CRISPLD2: variants seen among roughly 807,000 people sequenced by gnomAD.
CRISPLD2 encodes cysteine rich secretory protein LCCL domain containing 2.
Under a neutral mutation model 71.1 loss-of-function variants are expected in CRISPLD2, and 47 were observed. That is an observed-to-expected ratio of 0.66 (90% CI 0.52 to 0.84). The LOEUF is 0.84. CRISPLD2 is among the 40% of genes least tolerant of loss of function. The pLI, the probability that CRISPLD2 is intolerant of heterozygous loss-of-function variation, is 0.00. For synonymous variants in CRISPLD2, 317 were observed against 250.1 expected (o/e 1.27, Z -2.52); for missense variants, 830 against 651.1 (o/e 1.27, Z -2.99).
intron 6 of CRISPLD2, among the ~76,000 whole-genome samples, chr16:84,859,467 G>C (rs1032153763): frequency 6.6e-6 from 1 of 152,228 alleles, no homozygotes; most frequent in South Asian, 2.1e-4. Flanking sequence ...CCCCGGGGAA[G>C]TATGGGAGAA....
rs750016537 is a variant in CRISPLD2, at chr16:84,850,599, G to T, written c.524G>T (p.Cys175Phe). ...IVWATTNKIG[C>F]AVNTCRKMTV... is the part of the protein sequence containing the mutation. ...TGGGCCACCACCAACAAGATCGGTTGTGCTGTGAACACCTGCCGGAAGATG... is the reference window on the plus strand; with the variant it reads ...TGGGCCACCACCAACAAGATCGGTTTTGCTGTGAACACCTGCCGGAAGATG... Residue 175 changes from cysteine (C) to phenylalanine (F), a missense_variant, in exon 5 of 15, where the codon TGT becomes TTT. Physicochemically the swap from Cys to Phe is radical, Grantham distance 205 (BLOSUM62 -2). Transcript: ENST00000262424. The T allele has an allele frequency of 6.2e-7, 1 of 1,614,210 alleles. No homozygotes were observed. The highest frequency in any genetic ancestry group is 1.1e-5 in the South Asian group (1 of 91,088).
intron 4 of CRISPLD2, 69 bp from the exon 5 acceptor site, chr16:84,850,499 C>A: frequency 1.5e-6 from 2 of 1,332,024 alleles, no homozygotes; most frequent in South Asian, 1.2e-5. Context: ...CTTATACATC[C>A]AGGCCAAATG....
At chr16:84,903,403 C>G (rs892909512) in intron 14 of CRISPLD2, among the ~76,000 whole-genome samples, 1 of 152,056 alleles carries the variant, frequency 6.6e-6, no homozygotes, top group African/African-American at 2.4e-5. Flanking sequence ...ACCAGCCTGG[C>G]CAATATGGTG....
In CRISPLD2 at chr16:84,849,472, G is replaced by C; in HGVS notation, c.447G>C (p.Trp149Cys). The C allele has an allele frequency of 6.2e-7, 1 of 1,614,126 alleles. No individual in the cohort carries two copies. The highest frequency in any genetic ancestry group is 8.5e-7 in the Non-Finnish European group (1 of 1,179,978). ...TYPYPSECNP[W>C]CPERCSGPMC... ...CCTACCCGAGCGAGTGCAACCCCTGGTGTCCAGAGAGGTGCTCGGGGCCCA... is the reference window on the plus strand; with the variant it reads ...CCTACCCGAGCGAGTGCAACCCCTGCTGTCCAGAGAGGTGCTCGGGGCCCA... The change falls in exon 4 of 15, where the codon TGG becomes TGC. Residue 149 changes from tryptophan (W) to cysteine (C), a missense_variant. Trp to Cys is a radical substitution (Grantham distance 215, BLOSUM62 -2). Coordinates refer to ENST00000262424, the MANE Select transcript of CRISPLD2 (RefSeq NM_031476.4).
chr16:84,907,793 C>T lies in CRISPLD2; in HGVS notation c.*1151C>T, dbSNP rs1256089083. 6.6e-6 allele frequency: 1 copy of T among 152,124 alleles called. No individual in the cohort carries two copies. The highest frequency in any genetic ancestry group is 2.4e-5 in the African/African-American group (1 of 41,424). The allele number at this position is 152,124 out of a possible 1,614,324, so 9.4% of individuals were successfully genotyped here. ...CATGACAGCGAGAGATGGGAATACA[C>T]TAGAAGGATCTCTTTTCCTGTTTTC... On this transcript the variant is annotated 3_prime_UTR_variant, in exon 15 of 15. Transcript: ENST00000262424.
At chr16:84,825,462 TAAAG>T (rs925437818) in intron 1 of CRISPLD2, among the ~76,000 whole-genome samples, 3 of 151,974 alleles carry the variant, frequency 2.0e-5, no homozygotes, top group African/African-American at 4.8e-5. Context: ...GTTTCTAAAA[TAAAG>T]GAAGAAAGGC....
At chr16:84,902,470 C>T (rs773697138) in intron 14 of CRISPLD2, among the ~76,000 whole-genome samples, 2 of 151,570 alleles carry the variant, frequency 1.3e-5, no homozygotes, top group Non-Finnish European at 2.9e-5. Context: ...ATTAGCCAGG[C>T]GTGGTGTTGG....
chr16:84,877,315 G>A (rs960804565), intron 11 of CRISPLD2, 123 bp from the exon 12 acceptor site: 2 of 806,288 alleles, frequency 2.5e-6, no homozygotes, highest in Non-Finnish European at 4.0e-6. Context: ...CGTAGTCCCA[G>A]CTCTATTCAA....
intron 2 of CRISPLD2, among the ~76,000 whole-genome samples, chr16:84,842,995 G>A (rs1916816783): frequency 6.6e-6 from 1 of 152,174 alleles, no homozygotes; most frequent in Non-Finnish European, 1.5e-5. Flanking sequence ...TGGTCCTCCC[G>A]GTTTCATGCA....
At chr16:84,864,283 C>T (rs547244200) in intron 6 of CRISPLD2, among the ~76,000 whole-genome samples, 11 of 152,200 alleles carry the variant, frequency 7.2e-5, no homozygotes, top group Non-Finnish European at 1.6e-4. Context: ...GTAAAGCCTT[C>T]TACTTTTCAT....
intron 13 of CRISPLD2, among the ~76,000 whole-genome samples, chr16:84,881,193 G>A (rs372453642): frequency 6.6e-6 from 1 of 152,160 alleles, no homozygotes. Context: ...CGGCTATTTA[G>A]TCATCTTCCC....
intron 6 of CRISPLD2, 93 bp from the exon 7 acceptor site, chr16:84,866,804 C>G: frequency 8.2e-7 from 1 of 1,221,900 alleles, no homozygotes; most frequent in Non-Finnish European, 1.2e-6. Flanking sequence ...AAACCTCAAA[C>G]ACGTTTAGTT....
intron 13 of CRISPLD2, among the ~76,000 whole-genome samples, chr16:84,885,812 C>CTTTT (rs781115960): frequency 0.01 from 966 of 95,704 alleles, 44 homozygotes; most frequent in African/African-American, 0.019. Flanking sequence ...TGGATCCCTT[C>CTTTT]TTTTTTTTTT....
chr16:84,901,757 C>A (rs1043466433), intron 14 of CRISPLD2, among the ~76,000 whole-genome samples: 1 of 139,224 alleles, frequency 7.2e-6, no homozygotes, highest in Non-Finnish European at 1.5e-5. Flanking sequence ...GGATTATAGG[C>A]GTGAGCCACT....
At position 84,838,643 on chromosome 16, in the gene CRISPLD2, G is replaced by C; in HGVS notation, c.148G>C (p.Ala50Pro). ...HNESHSRVRR[A>P]IPREDKEEIL... ...CGAGTCTCACTCCCGGGTCCGCAGA[G>C]CCATCCCCAGGGAGGACAAGGAGGA... Residue 50 changes from alanine to proline, a missense_variant, in exon 2 of 15, where the codon GCC becomes CCC. Coordinates refer to ENST00000262424, the MANE Select transcript of CRISPLD2 (RefSeq NM_031476.4). 1.2e-6 allele frequency: 2 copies of C among 1,614,216 alleles called. No individual in the cohort carries two copies. Among genetic ancestry groups the C allele is most frequent in the Middle Eastern group, 3.3e-4 (2 of 6,062 alleles).
At chr16:84,898,733 A>G (rs955769518) in intron 14 of CRISPLD2, among the ~76,000 whole-genome samples, 1 of 152,234 alleles carries the variant, frequency 6.6e-6, no homozygotes. Context: ...GATGCTGCCC[A>G]GCACTTGGCA....
chr16:84,825,472 A>G (rs1257947816), intron 1 of CRISPLD2, among the ~76,000 whole-genome samples: 1 of 152,080 alleles, frequency 6.6e-6, no homozygotes, highest in South Asian at 2.1e-4. Context: ...TAAAGGAAGA[A>G]AGGCCCAGCG....
At chr16:84,823,207 C>A (rs1430733198) in intron 1 of CRISPLD2, among the ~76,000 whole-genome samples, 1 of 152,186 alleles carries the variant, frequency 6.6e-6, no homozygotes, top group Non-Finnish European at 1.5e-5. Context: ...TTTTTTATGG[C>A]TGAGTAATAT....
At chr16:84,862,079 G>T (rs889924153) in intron 6 of CRISPLD2, among the ~76,000 whole-genome samples, 2 of 152,152 alleles carry the variant, frequency 1.3e-5, no homozygotes, top group African/African-American at 4.8e-5. Context: ...CTGTGTCCTT[G>T]CCCCCATTGG....
Sources: gnomAD v4.1 joint callset for allele counts (sites outside exome capture counted in the v4.1 genomes callset) on GRCh38, gnomAD v4.1.1 for gene constraint, MANE v1.5 for transcripts, NCBI Gene and HGNC (gene_info 2026-07-23, HGNC 2026-07-21) for gene names.